FOXP1: variants seen among roughly 807,000 people sequenced by gnomAD.
The protein encoded by FOXP1 is forkhead box protein P1.
FOXP1 carries 15 observed loss-of-function variants against 98.2 expected under a neutral mutation model. That is an observed-to-expected ratio of 0.15 (90% CI 0.10 to 0.24). The LOEUF is 0.24. Among genes scored for constraint, FOXP1 ranks in the 10% least tolerant of loss-of-function variants. The probability of loss-of-function intolerance (pLI) is 1.00; values close to 1 mark genes in which losing one functional copy is unlikely to be tolerated. For synonymous variants in FOXP1, 371 were observed against 314.5 expected, an observed-to-expected ratio of 1.18 and a Z score of -1.90; for missense variants, 633 against 848.5, an observed-to-expected ratio of 0.75 and a Z score of 3.15.
intron 7 of FOXP1, among the ~76,000 whole-genome samples, chr3:71,092,654 A>T (rs1329109287): frequency 1.3e-5 from 2 of 152,146 alleles, no homozygotes; most frequent in Non-Finnish European, 2.9e-5. Context: ...AGCCTGCACA[A>T]ATAAAAATAA....
chr3:70,964,578 G>A (rs559734742), intron 20 of FOXP1, among the ~76,000 whole-genome samples: 4 of 152,238 alleles, frequency 2.6e-5, no homozygotes, highest in South Asian at 4.1e-4. Flanking sequence ...GTAAATACTC[G>A]TGTCATGACA....
chr3:71,442,000 T>C (rs2085985441), intron 3 of FOXP1, among the ~76,000 whole-genome samples: 1 of 152,232 alleles, frequency 6.6e-6, no homozygotes, highest in Non-Finnish European at 1.5e-5. Context: ...CACTACGTTC[T>C]TAACGATATC....
At chr3:71,366,564 T>G (rs2078943753) in intron 3 of FOXP1, among the ~76,000 whole-genome samples, 2 of 152,252 alleles carry the variant, frequency 1.3e-5, no homozygotes, top group East Asian at 3.8e-4. Context: ...TAGAATTTTT[T>G]GTATTCTCTA....
At chr3:71,445,689 CTTTTT>C (rs112723777) in intron 3 of FOXP1, among the ~76,000 whole-genome samples, 1 of 142,208 alleles carries the variant, frequency 7.0e-6, no homozygotes, top group Non-Finnish European at 1.5e-5. Flanking sequence ...ATATTTATAC[CTTTTT>C]TTTTTTTTTT....
chr3:71,185,519 A>G (rs11921353), intron 6 of FOXP1, among the ~76,000 whole-genome samples: 2,267 of 152,310 alleles, frequency 0.015, 61 homozygotes, highest in African/African-American at 0.052. Context: ...GACAACACCA[A>G]CTAAATTATC....
At chr3:71,347,740 C>G (rs2077458836) in intron 4 of FOXP1, among the ~76,000 whole-genome samples, 1 of 152,058 alleles carries the variant, frequency 6.6e-6, no homozygotes, top group South Asian at 2.1e-4. Context: ...ACAAAATTAG[C>G]CAGGCGTGGT....
chr3:71,309,066 C>T (rs549247898), intron 4 of FOXP1, among the ~76,000 whole-genome samples: 1 of 152,198 alleles, frequency 6.6e-6, no homozygotes, highest in South Asian at 2.1e-4. Context: ...TGATAAAACA[C>T]AAGAGGTTAA....
intron 5 of FOXP1, among the ~76,000 whole-genome samples, chr3:71,268,475 CAAGTAATTAAA>C (rs1234341467): frequency 1.3e-5 from 2 of 151,984 alleles, no homozygotes; most frequent in African/African-American, 4.8e-5. Context: ...ACTGATGAGC[CAAGTAATTAAA>C]ACCGATCTTC....
At chr3:71,187,357 G>A (rs1051479304) in intron 6 of FOXP1, among the ~76,000 whole-genome samples, 1 of 152,130 alleles carries the variant, frequency 6.6e-6, no homozygotes, top group East Asian at 1.9e-4. Context: ...AGGCTGAGGC[G>A]GGTGGATCAC....
chr3:71,560,571 C>T lies in FOXP1; in HGVS notation c.-298+20978G>A, dbSNP rs547588113. Among the ~76,000 whole-genome samples the T allele has an allele frequency of 2.0e-5, 3 of 152,084 alleles. No homozygotes were observed. In the East Asian group the frequency reaches 5.8e-4, roughly 29 times the overall value. On this transcript the variant is annotated intron_variant, in intron 2 of 20. Coordinates refer to ENST00000649528, the MANE Select transcript of FOXP1 (RefSeq NM_001349338.3). ...ACTTCTAGGTACGTACCAAAGAAAACTGAAAACATACGAAAACACAAAAAT... is the reference window on the plus strand; with the variant it reads ...ACTTCTAGGTACGTACCAAAGAAAATTGAAAACATACGAAAACACAAAAAT...
intron 12 of FOXP1, among the ~76,000 whole-genome samples, chr3:71,003,727 C>T (rs1173143165): frequency 6.6e-6 from 1 of 152,134 alleles, no homozygotes; most frequent in Non-Finnish European, 1.5e-5. Flanking sequence ...TTATCAGCCT[C>T]TGCATGAATT....
At position 71,274,656 on chromosome 3, in the gene FOXP1, G is replaced by A. The variant is rs190871939; in HGVS notation, c.-12+25164C>T. On this transcript the variant is annotated intron_variant, in intron 5 of 20. Transcript: ENST00000649528. ...TATTTTCGATAACACAGTGATCCACGGAGGTGGAGATAATAATTTAGCATT... is the reference window on the plus strand; with the variant it reads ...TATTTTCGATAACACAGTGATCCACAGAGGTGGAGATAATAATTTAGCATT... Among the ~76,000 whole-genome samples, 190 of 152,290 alleles carry A rather than the reference G, an allele frequency of 1.2e-3. 1 individual carries two copies. The highest frequency in any genetic ancestry group is 2.5e-3 in the Non-Finnish European group (167 of 68,026).
intron 6 of FOXP1, among the ~76,000 whole-genome samples, chr3:71,157,598 G>A (rs142899755): frequency 1.2e-3 from 186 of 152,334 alleles, no homozygotes; most frequent in African/African-American, 4.4e-3. Context: ...AGGAATGCCA[G>A]TAATATCCAG....
chr3:71,201,436 A>G lies in FOXP1; in HGVS notation c.-11-3044T>C, dbSNP rs541386808. 5.6e-4 allele frequency among the ~76,000 whole-genome samples: 85 copies of G among 152,326 alleles called. 1 individual carries two copies. Among genetic ancestry groups the G allele is most frequent in the Middle Eastern group, 3.4e-3 (1 of 294 alleles). On this transcript the variant is annotated intron_variant, in intron 5 of 20. Coordinates refer to ENST00000649528, the MANE Select transcript of FOXP1 (RefSeq NM_001349338.3). ...CAAGGCAGGCAGATCACTTGAGGTC[A>G]GGAGTTCGAGACCAGCCTGGCCAAC...
intron 5 of FOXP1, among the ~76,000 whole-genome samples, chr3:71,276,927 CCT>C (rs2070959744): frequency 6.6e-6 from 1 of 151,184 alleles, no homozygotes; most frequent in African/African-American, 2.4e-5. Context: ...GCTCTAGTAT[CCT>C]CTGTTCTACT....
intron 2 of FOXP1, among the ~76,000 whole-genome samples, chr3:71,540,393 G>T (rs1359443414): frequency 1.3e-5 from 2 of 152,098 alleles, no homozygotes; most frequent in Non-Finnish European, 2.9e-5. Context: ...AGTGAAGGGG[G>T]GACAAGAAGG....
intron 5 of FOXP1, among the ~76,000 whole-genome samples, chr3:71,233,245 GGAGAGGAGGGAAGGGGAGGA>G (rs1433677727): frequency 6.8e-6 from 1 of 147,798 alleles, no homozygotes; most frequent in Non-Finnish European, 1.5e-5. Context: ...GGAGGGAAGG[GGAGAGGAGGGAAGGGGAGGA>G]GAGAGGAGGG....
intron 3 of FOXP1, among the ~76,000 whole-genome samples, chr3:71,460,588 C>A (rs1051942404): frequency 6.6e-6 from 1 of 152,112 alleles, no homozygotes; most frequent in Non-Finnish European, 1.5e-5. Flanking sequence ...AGGTGCACAC[C>A]GCCAGGCTTG....
intron 9 of FOXP1, among the ~76,000 whole-genome samples, chr3:71,050,844 G>A (rs1010249035): frequency 2.6e-5 from 4 of 152,200 alleles, no homozygotes; most frequent in Non-Finnish European, 5.9e-5. Context: ...CCAAACTGAA[G>A]CTCGCAGTTC....
Sources: allele counts gnomAD v4.1 joint callset (sites outside exome capture counted in the v4.1 genomes callset), GRCh38; gene constraint gnomAD v4.1.1; transcripts MANE v1.5; gene names NCBI Gene and HGNC (gene_info 2026-07-23, HGNC 2026-07-21).